POU2F3: variants seen among roughly 807,000 people sequenced by gnomAD.
POU2F3 encodes POU domain, class 2, transcription factor 3.
A neutral mutation model predicts 59.2 loss-of-function variants in POU2F3; 23 were observed. The ratio of observed to expected loss-of-function variants is 0.39; its 90% CI spans 0.28 to 0.55. The LOEUF (loss-of-function observed/expected upper bound fraction) is 0.55, where lower values mean the gene tolerates loss of function less well. Ranked by LOEUF, POU2F3 falls within the 20% of genes least tolerant of loss-of-function variation. POU2F3 has a pLI of 0.66. For missense variants in POU2F3, 473 were observed against 544.5 expected, an observed-to-expected ratio of 0.87 and a Z score of 1.31; for synonymous variants, 190 against 214.6, an observed-to-expected ratio of 0.89 and a Z score of 1.00.
In POU2F3 at chr11:120,318,442, G is replaced by T. The variant is rs772267273; in HGVS notation, c.*50G>T. On this transcript the variant is annotated 3_prime_UTR_variant, in exon 13 of 13. Transcript: ENST00000543440. ...GCTGGCCCTGTATTCCCCCTGGAAG[G>T]AAGGGAATCATGCCTTCTATATACA... 5 of 1,516,118 alleles carry T rather than the reference G, an allele frequency of 3.3e-6. No homozygotes were observed. The South Asian group carries it at 5.6e-5, about 17-fold the overall frequency. 93.9% of individuals were successfully genotyped at this position (1,516,118 alleles called of 1,614,324 possible).
intron 3 of POU2F3, among the ~76,000 whole-genome samples, chr11:120,287,295 C>T (rs970279657): frequency 7.9e-5 from 12 of 152,098 alleles, no homozygotes; most frequent in Admixed American, 2.0e-4. Context: ...TTCCTATATG[C>T]GAGGACTGTC....
At chr11:120,306,911 C>G (rs1941508213) in intron 8 of POU2F3, among the ~76,000 whole-genome samples, 1 of 152,230 alleles carries the variant, frequency 6.6e-6, no homozygotes, top group South Asian at 2.1e-4. Context: ...CATTCCTAGT[C>G]TCCATCAGAT....
intron 3 of POU2F3, among the ~76,000 whole-genome samples, chr11:120,295,676 ACTAGGAC>A (rs1428005850): frequency 6.6e-6 from 1 of 152,226 alleles, no homozygotes; most frequent in Non-Finnish European, 1.5e-5. Context: ...GGGGAGAAGA[ACTAGGAC>A]ACCAGAGTTT....
intron 1 of POU2F3, among the ~76,000 whole-genome samples, chr11:120,245,479 A>AGG (rs200133645): frequency 6.6e-6 from 1 of 151,394 alleles, no homozygotes; most frequent in African/African-American, 2.4e-5. Context: ...GCCCCAGAGA[A>AGG]GGGGGGGTGT....
At position 120,319,181 on chromosome 11, in the gene POU2F3, G is replaced by C. The variant is rs1459772148; in HGVS notation, c.*789G>C. 1 of 152,574 alleles carries C rather than the reference G, an allele frequency of 6.6e-6. No individual in the cohort carries two copies. Among genetic ancestry groups the C allele is most frequent in the East Asian group, 1.9e-4 (1 of 5,180 alleles). The allele number at this position is 152,574 out of a possible 1,614,324, so 9.5% of individuals were successfully genotyped here. On this transcript the variant is annotated 3_prime_UTR_variant, in exon 13 of 13. Transcript: ENST00000543440. ...CTGTCCCCTCTCCTTTCTCCTGGCA[G>C]CAGAAAAGGAAGAACACAAGAGCAA... is the stretch of plus-strand genomic sequence containing the variant.
chr11:120,240,179 G>A lies in POU2F3; in HGVS notation c.-165G>A. ...GGCGGCGCCGAGTGTTGCCCGGGCC[G>A]GAGCAGCGGAGCGCGCGACAGTGGC... On this transcript the variant is annotated 5_prime_UTR_variant, in exon 1 of 13. Transcript: ENST00000543440. The A allele has an allele frequency of 6.5e-6, 8 of 1,223,694 alleles. No individual in the cohort carries two copies. In the South Asian group the frequency reaches 2.9e-4, roughly 44 times the overall value. The allele number at this position is 1,223,694 out of a possible 1,614,324, so 75.8% of individuals were successfully genotyped here.
intron 3 of POU2F3, among the ~76,000 whole-genome samples, chr11:120,275,816 G>A (rs771259427): frequency 6.6e-6 from 1 of 152,172 alleles, no homozygotes; most frequent in African/African-American, 2.4e-5. Flanking sequence ...GCGCCAGCTC[G>A]TCCTGAGGAG....
intron 2 of POU2F3, among the ~76,000 whole-genome samples, chr11:120,267,214 C>T (rs1050798265): frequency 3.9e-5 from 6 of 151,918 alleles, no homozygotes; most frequent in South Asian, 2.1e-4. Flanking sequence ...CTGCAACCTC[C>T]GCCTCCCGGG....
Position 120,298,348 on chromosome 11 carries a change from G to A in POU2F3, c.216G>A (p.Met72Ile). Residue 72 changes from methionine to isoleucine, a missense_variant, in exon 4 of 13, where the codon ATG becomes ATA. By Grantham distance (10) the Met-to-Ile change is conservative. Transcript: ENST00000543440. ...PCHLSQGPAM[M>I]SGNQMSGLNA... is the part of the protein sequence containing the mutation. The stretch of plus-strand genomic sequence containing the variant: ...ACCTGAGTCAAGGACCTGCCATGAT[G>A]TCCGGAAACCAAATGTCTGGGCTAA... 1.9e-6 allele frequency: 3 copies of A among 1,613,858 alleles called. No individual in the cohort carries two copies. Among genetic ancestry groups the A allele is most frequent in the South Asian group, 1.1e-5 (1 of 91,000 alleles).
intron 3 of POU2F3, among the ~76,000 whole-genome samples, chr11:120,274,104 GAAGA>G (rs1405464225): frequency 0.026 from 1,940 of 74,570 alleles, 18 homozygotes; most frequent in African/African-American, 0.052. Context: ...AGGAAGGAAG[GAAGA>G]AAGGAAGGAA....
intron 3 of POU2F3, among the ~76,000 whole-genome samples, chr11:120,283,459 G>A (rs1940652951): frequency 6.6e-6 from 1 of 151,906 alleles, no homozygotes; most frequent in Non-Finnish European, 1.5e-5. Context: ...TGAGGATCTG[G>A]GGAGTCCAAG....
At chr11:120,252,390 T>C (rs527559753) in intron 2 of POU2F3, among the ~76,000 whole-genome samples, 2 of 151,974 alleles carry the variant, frequency 1.3e-5, no homozygotes, top group East Asian at 1.9e-4. Flanking sequence ...GTATTTTTAG[T>C]AGGGACGGGG....
Position 120,301,020 on chromosome 11 carries a change from G to A in POU2F3, c.362-1266G>A, listed in dbSNP as rs185956752. The A allele has an allele frequency of 2.9e-3, 1,317 of 456,120 alleles. 4 individuals carry two copies. Among genetic ancestry groups the A allele is most frequent in the Non-Finnish European group, 3.7e-3 (834 of 226,936 alleles). 28.3% of individuals were successfully genotyped at this position (456,120 alleles called of 1,614,324 possible). A position where few individuals can be genotyped will look rare whatever the true frequency, so the allele number is the denominator to read the frequency against. On this transcript the variant is annotated intron_variant, in intron 5 of 12. Transcript: ENST00000543440. ...ATACTCCTGGAATGGAAAAGGGAAG[G>A]TAACAGTTTAATTTGTTTTCAGAAG...
intron 3 of POU2F3, among the ~76,000 whole-genome samples, chr11:120,297,777 A>AT (rs1007023061): frequency 3.9e-4 from 59 of 150,790 alleles, no homozygotes; most frequent in Non-Finnish European, 5.8e-4. Flanking sequence ...AATTTAATCC[A>AT]TTTTTTTTTA....
intron 12 of POU2F3, 119 bp from the exon 13 acceptor site, chr11:120,318,234 C>T: frequency 1.1e-6 from 1 of 894,676 alleles, no homozygotes; most frequent in Non-Finnish European, 1.8e-6. Context: ...TATCTAATTC[C>T]AGGATGTTTT....
intron 10 of POU2F3, 65 bp from the exon 11 acceptor site, chr11:120,315,296 G>C: frequency 8.3e-6 from 12 of 1,442,668 alleles, no homozygotes; most frequent in Non-Finnish European, 1.1e-5. Flanking sequence ...ACTGTCTTTG[G>C]AGAGTGATCT....
intron 3 of POU2F3, among the ~76,000 whole-genome samples, chr11:120,279,079 G>C (rs1215822353): frequency 6.6e-6 from 1 of 152,082 alleles, no homozygotes; most frequent in Non-Finnish European, 1.5e-5. Flanking sequence ...TCCATAGATG[G>C]GAAAACTGAG....
At chr11:120,273,977 C>T (rs1940191816) in intron 3 of POU2F3, among the ~76,000 whole-genome samples, 1 of 150,970 alleles carries the variant, frequency 6.6e-6, no homozygotes, top group Admixed American at 6.6e-5. Context: ...GAGATCATGC[C>T]ACTGCACTCC....
intron 6 of POU2F3, 85 bp from the exon 7 acceptor site, chr11:120,304,942 TAAA>T (rs11443197): frequency 0.048 from 15,918 of 331,622 alleles, 1 homozygote; most frequent in Middle Eastern, 0.063. Flanking sequence ...GGCCTATTAG[TAAA>T]AAAAAAAAAA....
Sources: gnomAD v4.1 joint callset for allele counts (sites outside exome capture counted in the v4.1 genomes callset) on GRCh38, gnomAD v4.1.1 for gene constraint, MANE v1.5 for transcripts, NCBI Gene and HGNC (gene_info 2026-07-23, HGNC 2026-07-21) for gene names.